The following COL5A2 variants were observed in gnomAD, a reference collection of about 807,000 sequenced individuals.
The protein encoded by COL5A2 is collagen alpha-2(V) chain.
A neutral mutation model predicts 208.2 loss-of-function variants in COL5A2; 23 were observed. The ratio of observed to expected loss-of-function variants is 0.11; its 90% CI spans 0.08 to 0.16. COL5A2 has a LOEUF of 0.16. Among genes scored for constraint, COL5A2 ranks in the 10% least tolerant of loss-of-function variants. The pLI is 1.00. For synonymous variants in COL5A2, 625 were observed against 628.5 expected, an observed-to-expected ratio of 0.99 and a Z score of 0.08; for missense variants, 1,590 against 1,956.4, an observed-to-expected ratio of 0.81 and a Z score of 3.53.
At chr2:189,164,069 CA>C (rs1296042107) in intron 1 of COL5A2, among the ~76,000 whole-genome samples, 6 of 152,160 alleles carry the variant, frequency 3.9e-5, no homozygotes, top group Admixed American at 2.0e-4. Context: ...AGAATGTAGA[CA>C]GGCCTGAGGG....
the COL5A2 span, among the ~76,000 whole-genome samples, chr2:189,333,337 A>G: frequency 4.6e-5 from 7 of 152,294 alleles, no homozygotes; most frequent in East Asian, 1.2e-3. Flanking sequence ...GGAGAAATAG[A>G]GTAAGTATAA....
chr2:189,402,277 G>A, the COL5A2 span, among the ~76,000 whole-genome samples: 1 of 152,288 alleles, frequency 6.6e-6, no homozygotes, highest in Admixed American at 6.5e-5. Flanking sequence ...GAGTGCAGTG[G>A]TGCGATCTTG....
chr2:189,057,688 G>C (rs1685931540), intron 33 of COL5A2, among the ~76,000 whole-genome samples: 1 of 152,140 alleles, frequency 6.6e-6, no homozygotes, highest in African/African-American at 2.4e-5. Flanking sequence ...AAAAAGGATA[G>C]AGTTGCCTTT....
chr2:189,371,119 T>G, the COL5A2 span, among the ~76,000 whole-genome samples: 1 of 152,082 alleles, frequency 6.6e-6, no homozygotes, highest in Admixed American at 6.5e-5. Flanking sequence ...TCTCTTGCTT[T>G]TGCTATGAGA....
At chr2:189,432,331 A>G in the COL5A2 span, among the ~76,000 whole-genome samples, 1 of 152,226 alleles carries the variant, frequency 6.6e-6, no homozygotes, top group Non-Finnish European at 1.5e-5. Flanking sequence ...ACACATAATT[A>G]TATTAACGTT....
chr2:189,177,779 A>G (rs185431087), intron 1 of COL5A2, among the ~76,000 whole-genome samples: 2 of 152,336 alleles, frequency 1.3e-5, no homozygotes, highest in African/African-American at 4.8e-5. Context: ...ATTTTTCAAA[A>G]ACACCTACAG....
the COL5A2 span, among the ~76,000 whole-genome samples, chr2:189,316,778 T>G: frequency 2.7e-5 from 2 of 74,852 alleles, no homozygotes; most frequent in Admixed American, 1.4e-4. Context: ...TTTAGTCACT[T>G]AAAAGCAAAA....
At chr2:189,210,107 A>G (rs1189122176) in intron 1 of COL5A2, among the ~76,000 whole-genome samples, 1 of 152,224 alleles carries the variant, frequency 6.6e-6, no homozygotes, top group Admixed American at 6.5e-5. Flanking sequence ...ATATATATTA[A>G]GCAACAAAAT....
chr2:189,253,890 T>C, the COL5A2 span, among the ~76,000 whole-genome samples: 2 of 152,364 alleles, frequency 1.3e-5, no homozygotes, highest in East Asian at 3.9e-4. Context: ...CTGCAATTCT[T>C]TTGGTGCTTT....
chr2:189,124,861 CAATAAGGATTAGAAATAAAAGCA>C (rs1687578236), intron 1 of COL5A2, among the ~76,000 whole-genome samples: 2 of 151,238 alleles, frequency 1.3e-5, no homozygotes, highest in African/African-American at 4.9e-5. Context: ...ATTCAACTGG[CAATAAGGATTAGAAATAAAAGCA>C]AATAATGAAA....
intron 1 of COL5A2, among the ~76,000 whole-genome samples, chr2:189,143,594 T>G (rs1687977442): frequency 6.6e-6 from 1 of 152,204 alleles, no homozygotes; most frequent in Admixed American, 6.6e-5. Flanking sequence ...ATATCCATTG[T>G]GTCCATTATA....
chr2:189,059,236 A>G, intron 31 of COL5A2, among the ~76,000 whole-genome samples: 1 of 152,112 alleles, frequency 6.6e-6, no homozygotes, highest in East Asian at 1.9e-4. Context: ...AAGATGAAAA[A>G]GTTTAAATAA....
At chr2:189,312,116 G>C in the COL5A2 span, 1 of 851,134 alleles carries the variant, frequency 1.2e-6, no homozygotes, top group Non-Finnish European at 2.0e-6. Flanking sequence ...CAGCATTTGC[G>C]AAGATCTGAG....
At chr2:189,155,446 T>C (rs1688227120) in intron 1 of COL5A2, among the ~76,000 whole-genome samples, 1 of 152,178 alleles carries the variant, frequency 6.6e-6, no homozygotes, top group Admixed American at 6.6e-5. Context: ...AGTACCATTC[T>C]CCAGAACAGC....
chr2:189,420,672 G>C, the COL5A2 span, among the ~76,000 whole-genome samples: 1 of 152,012 alleles, frequency 6.6e-6, no homozygotes, highest in South Asian at 2.1e-4. Flanking sequence ...AAGCCACAAA[G>C]ATAGATGAAT....
At chr2:189,148,809 T>C (rs1250360918) in intron 1 of COL5A2, among the ~76,000 whole-genome samples, 1 of 152,208 alleles carries the variant, frequency 6.6e-6, no homozygotes, top group African/African-American at 2.4e-5. Context: ...TAGTGGTCAT[T>C]AAGCTCATTT....
At chr2:189,115,575 G>A (rs78173855) in intron 1 of COL5A2, among the ~76,000 whole-genome samples, 1 of 152,054 alleles carries the variant, frequency 6.6e-6, no homozygotes, top group East Asian at 1.9e-4. Flanking sequence ...ATTAACTAAA[G>A]TTCTTTCAAG....
intron 1 of COL5A2, among the ~76,000 whole-genome samples, chr2:189,123,461 T>C (rs1258551933): frequency 6.6e-6 from 1 of 152,128 alleles, no homozygotes; most frequent in Non-Finnish European, 1.5e-5. Flanking sequence ...TACTGGAATA[T>C]GATGGGCCCT....
chr2:189,348,331 GAGTT>G, the COL5A2 span, among the ~76,000 whole-genome samples: 4 of 152,086 alleles, frequency 2.6e-5, no homozygotes. Flanking sequence ...AGAAAATCAT[GAGTT>G]AATTTATTTG....
Sources: allele counts gnomAD v4.1 joint callset (sites outside exome capture counted in the v4.1 genomes callset), GRCh38; gene constraint gnomAD v4.1.1; transcripts MANE v1.5; gene names NCBI Gene and HGNC (gene_info 2026-07-23, HGNC 2026-07-21).